PRSS58: variants seen among roughly 807,000 people sequenced by gnomAD.
PRSS58 encodes the protein protease, serine 58.
A neutral mutation model predicts 25.0 loss-of-function variants in PRSS58; 31 were observed. The ratio of observed to expected loss-of-function variants is 1.24; its 90% CI spans 0.93 to 1.67. The LOEUF (loss-of-function observed/expected upper bound fraction) is 1.67, where lower values mean the gene tolerates loss of function less well. Among genes scored for constraint, PRSS58 ranks in the 40% most tolerant of loss-of-function variants. The probability of loss-of-function intolerance (pLI) is 0.00; values close to 1 mark genes in which losing one functional copy is unlikely to be tolerated. For synonymous variants in PRSS58, 119 were observed against 106.1 expected (o/e 1.12, Z -0.75); for missense variants, 324 against 287.9 (o/e 1.13, Z -0.91).
chr7:142,256,623 A>T (rs1296960613), intron 2 of PRSS58, among the ~76,000 whole-genome samples: 1 of 152,000 alleles, frequency 6.6e-6, no homozygotes, highest in African/African-American at 2.4e-5. Context: ...GTTAATTTTT[A>T]AATTTTTTAA....
chr7:142,257,833 G>T, intron 1 of PRSS58, 85 bp from the exon 2 acceptor site: 1 of 755,794 alleles, frequency 1.3e-6, no homozygotes, highest in South Asian at 1.7e-5. Context: ...TATTTTAGTA[G>T]CAGGATTCAG....
At position 142,257,910 on chromosome 7, in the gene PRSS58, G is replaced by A. The variant is rs1798584646; in HGVS notation, c.-42+81C>T. Reference sequence around the variant, plus strand: ...CATCTGTCAGAGAGACAAGAATAGAGTCAAGTGATTGGTCCCCAATACAGT... The same window carrying A: ...CATCTGTCAGAGAGACAAGAATAGAATCAAGTGATTGGTCCCCAATACAGT... On this transcript the variant is annotated intron_variant, in intron 1 of 5. Transcript: ENST00000547058. 1.6e-5 allele frequency: 9 copies of A among 575,890 alleles called. No homozygotes were observed. The South Asian group carries it at 2.1e-4, about 14-fold the overall frequency. 35.7% of individuals were successfully genotyped at this position (575,890 alleles called of 1,614,324 possible).
In PRSS58 at chr7:142,255,223, G is replaced by C. The variant is rs1372234547; in HGVS notation, c.268C>G (p.His90Asp). ...ATAGAAGTGACTGAGAAGTGTGGAT[G>C]ATGAATCATCTTCTCATAGCCAATC... The part of the protein sequence containing the change: ...QVIGYEKMIH[H>D]PHFSVTSIDH... Residue 90 changes from histidine (H) to aspartate (D), a missense_variant, in exon 4 of 6, where the codon CAT becomes GAT. By Grantham distance (81) the His-to-Asp change is moderately conservative. Transcript: ENST00000547058. 5 of 1,613,916 alleles carry C rather than the reference G, an allele frequency of 3.1e-6. No individual in the cohort carries two copies. Among genetic ancestry groups the C allele is most frequent in the Middle Eastern group, 1.7e-4 (1 of 6,060 alleles).
chr7:142,254,502 T>C (rs1267134931), intron 4 of PRSS58, among the ~76,000 whole-genome samples: 2 of 152,204 alleles, frequency 1.3e-5, no homozygotes, highest in African/African-American at 4.8e-5. Context: ...TCTGAAGAAA[T>C]GAGTGAATGC....
At chr7:142,254,894 A>C (rs1010075932) in intron 4 of PRSS58, among the ~76,000 whole-genome samples, 161 bp downstream of exon 4, 7 of 152,150 alleles carry the variant, frequency 4.6e-5, no homozygotes, top group Admixed American at 2.6e-4. Context: ...AATAAAAAAA[A>C]CCCAAAAACC....
At position 142,255,051 on chromosome 7, in the gene PRSS58, T is replaced by A. The variant is rs773245170; in HGVS notation, c.436+4A>T. 1 of 1,613,626 alleles carries A rather than the reference T, an allele frequency of 6.2e-7. No individual in the cohort carries two copies. The highest frequency in any genetic ancestry group is 2.2e-5 in the East Asian group (1 of 44,868). On this transcript the variant is annotated splice_donor_region_variant and intron_variant, in intron 4 of 5. Transcript: ENST00000547058. The stretch of plus-strand genomic sequence containing the variant: ...CTGAGAGAAGAACATTGTCTTGAAC[T>A]CACAGATATCACACACATTGTAGCT...
At chr7:142,254,191 T>C (rs1425446643) in intron 4 of PRSS58, among the ~76,000 whole-genome samples, 2 of 152,162 alleles carry the variant, frequency 1.3e-5, no homozygotes, top group Non-Finnish European at 2.9e-5. Flanking sequence ...TCACAAGGGA[T>C]TATATATCAT....
intron 4 of PRSS58, 112 bp from the exon 5 acceptor site, chr7:142,252,723 A>T: frequency 8.6e-7 from 1 of 1,168,464 alleles, no homozygotes; most frequent in Non-Finnish European, 1.2e-6. Context: ...TCAAACATTC[A>T]GAGAAGTCAG....
intron 2 of PRSS58, 118 bp downstream of exon 2, chr7:142,257,550 G>T: frequency 2.2e-6 from 2 of 891,876 alleles, no homozygotes; most frequent in Non-Finnish European, 3.7e-6. Flanking sequence ...AGTGGAGAGG[G>T]ACAGAGGACC....
intron 4 of PRSS58, among the ~76,000 whole-genome samples, chr7:142,254,441 A>G (rs1798519914): frequency 6.6e-6 from 1 of 152,216 alleles, no homozygotes; most frequent in Admixed American, 6.5e-5. Context: ...GTTTCAAATT[A>G]TGTATAGAAA....
At chr7:142,255,484 C>T in intron 3 of PRSS58, 51 bp downstream of exon 3, 1 of 1,612,142 alleles carries the variant, frequency 6.2e-7, no homozygotes, top group Non-Finnish European at 8.5e-7. Context: ...AGAGTCTGTG[C>T]CCAACCTGAG....
rs1479444699 is a variant in PRSS58, at chr7:142,255,663, G to C, written c.51C>G (p.Ala17=). ...WALLNLTVAL[A]FNPDYTVSST... is the part of the protein sequence containing the mutation. ...AGCTGACTGTGTAATCTGGATTAAA[G>C]GCCAAAGCAACTGGAAAGAGAAGCA... Residue 17 remains alanine (A), a synonymous_variant, in exon 3 of 6, where the codon GCC becomes GCG. Transcript: ENST00000547058. The C allele has an allele frequency of 3.1e-6, 5 of 1,607,422 alleles. No homozygotes were observed. The highest frequency in any genetic ancestry group is 4.2e-6 in the Non-Finnish European group (5 of 1,176,632).
chr7:142,255,821 C>A (rs76418202), intron 2 of PRSS58, 148 bp from the exon 3 acceptor site: 1 of 607,594 alleles, frequency 1.6e-6, no homozygotes, highest in Non-Finnish European at 2.7e-6. Context: ...TTCTAAAACA[C>A]GAAGAAAAGA....
At chr7:142,256,119 A>C (rs755822063) in intron 2 of PRSS58, among the ~76,000 whole-genome samples, 1 of 152,344 alleles carries the variant, frequency 6.6e-6, no homozygotes, top group South Asian at 2.1e-4. Context: ...ACCAAATGCT[A>C]AGAGTCTGAG....
chr7:142,252,450 T>TAA (rs753942561), intron 5 of PRSS58, 22 bp downstream of exon 5: 1 of 1,611,668 alleles, frequency 6.2e-7, no homozygotes, highest in Non-Finnish European at 8.5e-7. Flanking sequence ...ATGGGAAAAT[T>TAA]AATGGATGAA....
At chr7:142,253,934 A>C (rs1798511553) in intron 4 of PRSS58, among the ~76,000 whole-genome samples, 1 of 152,208 alleles carries the variant, frequency 6.6e-6, no homozygotes, top group African/African-American at 2.4e-5. Context: ...TATTCAAGAA[A>C]ATGTGCTCTA....
At chr7:142,256,853 G>T (rs1156241996) in intron 2 of PRSS58, among the ~76,000 whole-genome samples, 1 of 152,130 alleles carries the variant, frequency 6.6e-6, no homozygotes, top group African/African-American at 2.4e-5. Context: ...CAAATATCTG[G>T]GTGAAGGGAC....
intron 4 of PRSS58, among the ~76,000 whole-genome samples, chr7:142,253,760 A>T (rs1299405405): frequency 6.6e-6 from 1 of 151,432 alleles, no homozygotes; most frequent in Admixed American, 6.6e-5. Flanking sequence ...TAACTACTTG[A>T]TGACCCAGAT....
chr7:142,256,788 T>C (rs1350310887), intron 2 of PRSS58, among the ~76,000 whole-genome samples: 2 of 152,034 alleles, frequency 1.3e-5, no homozygotes, highest in African/African-American at 4.8e-5. Context: ...GTCATCAGAG[T>C]ATAACTTCAT....
Sources: allele counts gnomAD v4.1 joint callset (sites outside exome capture counted in the v4.1 genomes callset), GRCh38; gene constraint gnomAD v4.1.1; transcripts MANE v1.5; gene names NCBI Gene and HGNC (gene_info 2026-07-23, HGNC 2026-07-21).